The following PPFIA1 variants were observed in gnomAD, a reference collection of about 807,000 sequenced individuals.
The protein encoded by PPFIA1 is PPFI scaffold protein A1.
PPFIA1 carries 25 observed loss-of-function variants against 149.9 expected under a neutral mutation model. The observed-to-expected ratio is 0.17, with a 90% CI of 0.12 to 0.23. PPFIA1 has a LOEUF of 0.23. Among genes scored for constraint, PPFIA1 ranks in the 10% least tolerant of loss-of-function variants. The probability of loss-of-function intolerance (pLI) is 1.00; values close to 1 mark genes in which losing one functional copy is unlikely to be tolerated. For synonymous variants in PPFIA1, 549 were observed against 552.8 expected, an observed-to-expected ratio of 0.99 and a Z score of 0.10; for missense variants, 1,362 against 1,506.5, an observed-to-expected ratio of 0.90 and a Z score of 1.59.
chr11:70,316,432 C>T (rs746197414), intron 2 of PPFIA1, among the ~76,000 whole-genome samples: 17 of 152,126 alleles, frequency 1.1e-4, no homozygotes, highest in Non-Finnish European at 2.4e-4. Flanking sequence ...ATTTCATTTT[C>T]AGCAAAAGGT....
rs1240657110 is a variant in PPFIA1 at position 70,270,745 on chromosome 11, CCGCGGG to C, written c.-168_-163del. On this transcript the variant is annotated 5_prime_UTR_variant, in exon 1 of 28. Transcript: ENST00000253925. ...CCTCCTCCGCTCCGCCAGTGTCCGG[CCGCGGG>C]CCGGCCTTAGTGACTGGGGCGGCGG... The C allele has an allele frequency of 1.3e-5, 2 of 150,598 alleles. No homozygotes were observed. 9.3% of individuals were successfully genotyped at this position (150,598 alleles called of 1,614,324 possible).
At chr11:70,330,585 C>T (rs539733999) in intron 8 of PPFIA1, among the ~76,000 whole-genome samples, 126 of 152,280 alleles carry the variant, frequency 8.3e-4, no homozygotes, top group African/African-American at 2.9e-3. Context: ...ACCAAAGGAG[C>T]AGAGAGTGGC....
chr11:70,336,917 C>T (rs1239765155), intron 11 of PPFIA1, among the ~76,000 whole-genome samples: 1 of 152,210 alleles, frequency 6.6e-6, no homozygotes, highest in African/African-American at 2.4e-5. Context: ...CGGTGCTGAC[C>T]ATGGAGGGCA....
At chr11:70,333,666 C>T in intron 10 of PPFIA1, 113 bp downstream of exon 10, 2 of 817,918 alleles carry the variant, frequency 2.4e-6, no homozygotes, top group Admixed American at 2.1e-5. Flanking sequence ...TCCTCCAGCT[C>T]AGTTCTGGTC....
In PPFIA1 at chr11:70,339,224, A is replaced by G. The variant is rs2055160048; in HGVS notation, c.1625A>G (p.His542Arg). 2.5e-6 allele frequency: 4 copies of G among 1,614,178 alleles called. No homozygotes were observed. Among genetic ancestry groups the G allele is most frequent in the Non-Finnish European group, 3.4e-6 (4 of 1,180,032 alleles). The change falls in exon 14 of 28, where the codon CAC becomes CGC. Residue 542 changes from histidine (H) to arginine (R), a missense_variant. Transcript: ENST00000253925. ...TTCAGGTTCCCCATGGCAGACGGCC[A>G]CACAGACTCCTACAGCACCAGTGCA... Reference protein sequence around the residue: ...PDFRFPMADGHTDSYSTSAVL... With the variant: ...PDFRFPMADGRTDSYSTSAVL...
At chr11:70,318,561 C>T (rs920396492) in intron 2 of PPFIA1, among the ~76,000 whole-genome samples, 1 of 152,218 alleles carries the variant, frequency 6.6e-6, no homozygotes, top group African/African-American at 2.4e-5. Flanking sequence ...ATATCTTCTC[C>T]AGCCACTGCA....
chr11:70,365,302 C>CGT (rs2056862322), intron 21 of PPFIA1: 2 of 441,812 alleles, frequency 4.5e-6, no homozygotes, highest in South Asian at 3.2e-5. Context: ...GTGGCTTATG[C>CGT]GTGTGCCCCT....
intron 7 of PPFIA1, among the ~76,000 whole-genome samples, chr11:70,329,587 C>T (rs985247491): frequency 7.9e-5 from 12 of 152,154 alleles, no homozygotes; most frequent in African/African-American, 2.4e-4. Context: ...CCTGGGACTA[C>T]AGGGGCGTGC....
chr11:70,305,800 A>G (rs2052808167), intron 2 of PPFIA1, among the ~76,000 whole-genome samples: 1 of 152,170 alleles, frequency 6.6e-6, no homozygotes, highest in Admixed American at 6.5e-5. Context: ...CTCACTCAAA[A>G]TTGGCTTATA....
intron 2 of PPFIA1, among the ~76,000 whole-genome samples, chr11:70,294,340 A>G (rs1040364650): frequency 5.3e-5 from 8 of 152,086 alleles, no homozygotes; most frequent in Non-Finnish European, 7.4e-5. Context: ...TGGCGAGGTG[A>G]TGGAAGTTGG....
At chr11:70,291,130 C>T (rs1217898944) in intron 2 of PPFIA1, among the ~76,000 whole-genome samples, 2 of 152,184 alleles carry the variant, frequency 1.3e-5, no homozygotes, top group Non-Finnish European at 2.9e-5. Context: ...GGTTATCCAC[C>T]AGCTCCCGGC....
intron 16 of PPFIA1, among the ~76,000 whole-genome samples, chr11:70,353,351 G>A (rs772773527): frequency 6.6e-6 from 1 of 152,166 alleles, no homozygotes; most frequent in Non-Finnish European, 1.5e-5. Context: ...CTGCAGTCCA[G>A]CCTGGAATCA....
At position 70,362,721 on chromosome 11, in the gene PPFIA1, A is replaced by T. The variant is rs2056725591; in HGVS notation, c.2865+233A>T. The T allele has an allele frequency of 7.9e-6, 3 of 377,508 alleles. No individual in the cohort carries two copies. In the East Asian group the frequency reaches 1.2e-4, roughly 15 times the overall value. 23.4% of individuals were successfully genotyped at this position (377,508 alleles called of 1,614,324 possible). A position where few individuals can be genotyped will look rare whatever the true frequency, so the allele number is the denominator to read the frequency against. Reference sequence around the variant, plus strand: ...ATTGGCTAGAATGGCTTCATAGTATAAAAATATGAGCTTTTTTAAACATAG... The same window carrying T: ...ATTGGCTAGAATGGCTTCATAGTATTAAAATATGAGCTTTTTTAAACATAG... On this transcript the variant is annotated intron_variant, in intron 21 of 27. Transcript: ENST00000253925.
At position 70,291,557 on chromosome 11, in the gene PPFIA1, A is replaced by G. The variant is rs148060883; in HGVS notation, c.264+19121A>G. Among the ~76,000 whole-genome samples, 272 of 152,338 alleles carry G rather than the reference A, an allele frequency of 1.8e-3. 2 individuals carry two copies. The highest frequency in any genetic ancestry group is 6.3e-3 in the African/African-American group (262 of 41,576). ...TGGAGGGCGATCTCAGCAGACAGGCATTGTGCTCTTTGTGTTACCTGAAGG... is the reference window on the plus strand; with the variant it reads ...TGGAGGGCGATCTCAGCAGACAGGCGTTGTGCTCTTTGTGTTACCTGAAGG... On this transcript the variant is annotated intron_variant, in intron 2 of 27. Transcript: ENST00000253925.
In PPFIA1 at chr11:70,376,149, C is replaced by T. The variant is rs544270559; in HGVS notation, c.3316-383C>T. Among the ~76,000 whole-genome samples, 12 of 152,248 alleles carry T rather than the reference C, an allele frequency of 7.9e-5. No individual in the cohort carries two copies. In the East Asian group the frequency reaches 9.7e-4, roughly 12 times the overall value. ...GATTACCGGCACACGCCACCGTGCC[C>T]GGCTTATTTTTGTATTTTTAGTATA... On this transcript the variant is annotated intron_variant, in intron 24 of 27. Transcript: ENST00000253925.
chr11:70,375,030 A>C lies in PPFIA1; in HGVS notation c.3252A>C (p.Leu1084Phe). 6.2e-7 allele frequency: 1 copy of C among 1,613,786 alleles called. No individual in the cohort carries two copies. ...ESGVHGALLA[L>F]DETFDFSALA... ...GTGTTCACGGAGCACTTCTGGCCTT[A>C]GATGAAACCTTCGACTTCAGTGCAC... Residue 1084 changes from leucine to phenylalanine, a missense_variant, in exon 24 of 28, where the codon TTA (leucine) becomes TTC (phenylalanine). Transcript: ENST00000253925.
In PPFIA1 at chr11:70,340,426, G is replaced by T. The variant is rs1224385547; in HGVS notation, c.1707+1120G>T. ...CCACTGCGCTCCAGCTTGGTCAACAGAGTAAGACCCTGTTTCTACAAAATA... is the reference window on the plus strand; with the variant it reads ...CCACTGCGCTCCAGCTTGGTCAACATAGTAAGACCCTGTTTCTACAAAATA... On this transcript the variant is annotated intron_variant, in intron 14 of 27. Coordinates refer to ENST00000253925, the MANE Select transcript of PPFIA1 (RefSeq NM_003626.5). Among the ~76,000 whole-genome samples, 3 of 152,242 alleles carry T rather than the reference G, an allele frequency of 2.0e-5. No individual in the cohort carries two copies. In the East Asian group the frequency reaches 5.8e-4, roughly 29 times the overall value.
At chr11:70,331,856 A>G (rs1180288402) in intron 8 of PPFIA1, 104 bp from the exon 9 acceptor site, 1 of 1,275,396 alleles carries the variant, frequency 7.8e-7, no homozygotes, top group Non-Finnish European at 1.1e-6. Flanking sequence ...CTCTTCCATC[A>G]TGACTCTCTT....
intron 2 of PPFIA1, among the ~76,000 whole-genome samples, chr11:70,290,799 C>A (rs989411426): frequency 2.0e-5 from 3 of 152,192 alleles, no homozygotes; most frequent in Admixed American, 1.3e-4. Context: ...AAATTGATTT[C>A]AAGTAGTGAC....
Sources: gnomAD v4.1 joint callset for allele counts (sites outside exome capture counted in the v4.1 genomes callset) on GRCh38, gnomAD v4.1.1 for gene constraint, MANE v1.5 for transcripts, NCBI Gene and HGNC (gene_info 2026-07-23, HGNC 2026-07-21) for gene names.